RPS6KA2: variants seen among roughly 807,000 people sequenced by gnomAD.
RPS6KA2 encodes ribosomal protein S6 kinase alpha-2.
A neutral mutation model predicts 91.8 loss-of-function variants in RPS6KA2; 42 were observed. That is an observed-to-expected ratio of 0.46 (90% CI 0.36 to 0.59). The LOEUF (loss-of-function observed/expected upper bound fraction) is 0.59. Among genes scored for constraint, RPS6KA2 ranks in the 20% least tolerant of loss-of-function variants. The pLI, the probability that RPS6KA2 is intolerant of heterozygous loss-of-function variation, is 0.00. For missense variants in RPS6KA2, 798 were observed against 978.5 expected (o/e 0.82, Z 2.46); for synonymous variants, 414 against 393.6 (o/e 1.05, Z -0.61).
At chr6:166,605,700 C>G (rs1373807960) in intron 1 of RPS6KA2, among the ~76,000 whole-genome samples, 2 of 151,984 alleles carry the variant, frequency 1.3e-5, no homozygotes, top group Admixed American at 1.3e-4. Context: ...CACGCACACA[C>G]ACAAGCACAG....
chr6:166,561,963 T>C (rs1784358635), intron 1 of RPS6KA2, among the ~76,000 whole-genome samples: 1 of 152,152 alleles, frequency 6.6e-6, no homozygotes, highest in South Asian at 2.1e-4. Flanking sequence ...TGTCAGGCAC[T>C]GTGCAAAGCA....
In RPS6KA2 at chr6:166,586,368, G is replaced by A. The variant is rs553623143; in HGVS notation, c.99+40553C>T. 11 of 1,599,506 alleles carry A rather than the reference G, an allele frequency of 6.9e-6. No individual in the cohort carries two copies. The East Asian group carries it at 1.6e-4, about 23-fold the overall frequency. Reference sequence around the variant, plus strand: ...GCTATTCCATTCCTCAACAATTGGAGGAGACTCAGGAGGGCGTTTCAGGTA... The same window carrying A: ...GCTATTCCATTCCTCAACAATTGGAAGAGACTCAGGAGGGCGTTTCAGGTA... On this transcript the variant is annotated intron_variant, in intron 1 of 20. Coordinates refer to ENST00000265678, the MANE Select transcript of RPS6KA2 (RefSeq NM_021135.6).
At position 166,824,686 on chromosome 6, in the gene RPS6KA2, C is replaced by T. The variant is rs537063430; in HGVS notation, c.123+33514G>A. Among the ~76,000 whole-genome samples the T allele has an allele frequency of 3.5e-3, 428 of 123,364 alleles. 2 individuals are homozygous for T. The highest frequency in any genetic ancestry group is 0.013 in the African/African-American group (408 of 31,338). 80.9% of individuals were successfully genotyped at this position (123,364 alleles called of 152,430 possible). A position where few individuals can be genotyped will look rare whatever the true frequency, so the allele number is the denominator to read the frequency against. On this transcript the variant is annotated intron_variant, in intron 2 of 21. Transcript: ENST00000503859. ...GTCTATGTGTGTGTCTGTGTGTCTA[C>T]ATGTGTGTCTGTGTCTGTGTGTGTG...
At chr6:166,570,277 T>C (rs183669628) in intron 1 of RPS6KA2, among the ~76,000 whole-genome samples, 3 of 152,244 alleles carry the variant, frequency 2.0e-5, no homozygotes, top group Admixed American at 6.5e-5. Flanking sequence ...TGGAGAAACA[T>C]GGGCAGTCAC....
chr6:166,817,807 C>T (rs1438128062), intron 2 of RPS6KA2, among the ~76,000 whole-genome samples: 4 of 151,824 alleles, frequency 2.6e-5, no homozygotes, highest in Admixed American at 2.0e-4. Flanking sequence ...ACTGCAACCT[C>T]TGCCTCCCGG....
At chr6:166,583,955 T>G (rs1785096430) in intron 1 of RPS6KA2, among the ~76,000 whole-genome samples, 2 of 152,234 alleles carry the variant, frequency 1.3e-5, no homozygotes, top group African/African-American at 4.8e-5. Flanking sequence ...AGTGACCCTC[T>G]AAGGGTCAAC....
chr6:166,834,809 CTTTAG>C (rs1780277711), intron 2 of RPS6KA2, among the ~76,000 whole-genome samples: 1 of 140,568 alleles, frequency 7.1e-6, no homozygotes, highest in Non-Finnish European at 1.5e-5. Flanking sequence ...GGACAGGAGT[CTTTAG>C]TTTGTATGGC....
intron 1 of RPS6KA2, among the ~76,000 whole-genome samples, chr6:166,858,624 T>C (rs1218271620): frequency 6.6e-6 from 1 of 152,178 alleles, no homozygotes; most frequent in Non-Finnish European, 1.5e-5. Context: ...CGAACGGAGC[T>C]GATGTGGAAG....
At chr6:166,700,947 G>A in intron 2 of RPS6KA2, 1 of 670,150 alleles carries the variant, frequency 1.5e-6, no homozygotes, top group Non-Finnish European at 2.7e-6. Context: ...AGAGACAGGA[G>A]TTCAAAAGTT....
chr6:166,412,698 G>A lies in RPS6KA2; in HGVS notation c.*64C>T. On this transcript the variant is annotated 3_prime_UTR_variant, in exon 21 of 21. Coordinates refer to ENST00000265678, the MANE Select transcript of RPS6KA2 (RefSeq NM_021135.6). This position sits in a 1 kb window ranked among gnomAD's most constrained non-coding sequence, Gnocchi z 4.3. ...TCACTCTGGGTGCCAGACGGGCTCC[G>A]AGGCCGGGGTCTGTGAGCCCACGAG... 2.7e-6 allele frequency: 4 copies of A among 1,492,150 alleles called. No homozygotes were observed. The highest frequency in any genetic ancestry group is 2.1e-5 in the Admixed American group (1 of 47,510). The allele number at this position is 1,492,150 out of a possible 1,614,324, so 92.4% of individuals were successfully genotyped here.
chr6:166,622,425 T>C (rs1048357733), intron 1 of RPS6KA2, among the ~76,000 whole-genome samples: 3 of 152,240 alleles, frequency 2.0e-5, no homozygotes, highest in Admixed American at 6.5e-5. Context: ...TTGTGGTTTT[T>C]TTTTGGCTGT....
At chr6:166,784,793 C>T (rs375697219) in intron 2 of RPS6KA2, among the ~76,000 whole-genome samples, 15 of 150,214 alleles carry the variant, frequency 1.0e-4, no homozygotes, top group Non-Finnish European at 2.1e-4. Flanking sequence ...AGAGAAGTCC[C>T]GCAGTGGTCT....
intron 2 of RPS6KA2, among the ~76,000 whole-genome samples, chr6:166,785,962 C>T (rs1223808435): frequency 1.3e-5 from 2 of 152,208 alleles, no homozygotes; most frequent in Middle Eastern, 3.4e-3. Context: ...AATTAAATAA[C>T]ATTTGGTTTT....
intron 5 of RPS6KA2, among the ~76,000 whole-genome samples, chr6:166,507,044 T>C (rs1187352145): frequency 6.6e-6 from 1 of 152,026 alleles, no homozygotes; most frequent in Non-Finnish European, 1.5e-5. Context: ...GGAGAAGCCC[T>C]GGGGTGTGCA....
At chr6:166,791,327 T>A (rs1450397167) in intron 2 of RPS6KA2, among the ~76,000 whole-genome samples, 2 of 152,118 alleles carry the variant, frequency 1.3e-5, no homozygotes, top group African/African-American at 4.8e-5. Context: ...ATCCTAAATA[T>A]ATATGCACCC....
chr6:166,519,294 T>C (rs1474189307), intron 3 of RPS6KA2, among the ~76,000 whole-genome samples: 1 of 152,386 alleles, frequency 6.6e-6, no homozygotes, highest in Middle Eastern at 3.4e-3. Flanking sequence ...GTCTCTGTGA[T>C]GTTTATTCTC....
chr6:166,422,771 G>A (rs1003843760), intron 17 of RPS6KA2, among the ~76,000 whole-genome samples: 3 of 152,118 alleles, frequency 2.0e-5, no homozygotes, highest in Non-Finnish European at 2.9e-5. Context: ...GGAGCCCTGC[G>A]GTTCTCAATC....
intron 10 of RPS6KA2, among the ~76,000 whole-genome samples, chr6:166,487,814 C>G (rs1781460643): frequency 6.6e-6 from 1 of 152,200 alleles, no homozygotes; most frequent in African/African-American, 2.4e-5. Context: ...TCTAAGATCA[C>G]AGTTATACTT....
chr6:166,539,782 A>T (rs918645745), intron 1 of RPS6KA2, among the ~76,000 whole-genome samples: 1 of 152,204 alleles, frequency 6.6e-6, no homozygotes, highest in Admixed American at 6.5e-5. Flanking sequence ...GAAATGGAAC[A>T]CTGGAAAGGA....
Sources: allele counts gnomAD v4.1 joint callset (sites outside exome capture counted in the v4.1 genomes callset), GRCh38; gene constraint gnomAD v4.1.1; non-coding constraint Gnocchi (gnomAD v3.1); transcripts MANE v1.5; gene names NCBI Gene and HGNC (gene_info 2026-07-23, HGNC 2026-07-21).